Variants in CACNG7 observed in about 807,000 individuals in gnomAD.
The protein encoded by CACNG7 is voltage-dependent calcium channel gamma-7 subunit.
A neutral mutation model predicts 26.3 loss-of-function variants in CACNG7; 9 were observed. The observed-to-expected ratio is 0.34, with a 90% CI of 0.21 to 0.60. The LOEUF is 0.60. CACNG7 is among the 20% of genes least tolerant of loss of function. CACNG7 has a pLI of 0.81. For missense variants in CACNG7, 297 were observed against 380.4 expected (o/e 0.78, Z 1.82); for synonymous variants, 170 against 157.0 (o/e 1.08, Z -0.62).
At chr19:53,918,580 C>G (rs2068913279) in intron 4 of CACNG7, among the ~76,000 whole-genome samples, 1 of 152,096 alleles carries the variant, frequency 6.6e-6, no homozygotes, top group Non-Finnish European at 1.5e-5. Flanking sequence ...TCATTTAGAT[C>G]ATGAATGTAA....
chr19:53,942,134 C>G lies in CACNG7; in HGVS notation c.669C>G (p.Asp223Glu), dbSNP rs1420198733. Reference sequence around the variant, plus strand: ...CCTTCTACCGCCCGCGTCTCAGCGACTGCTCCGACTACTCGGGCCAGTTCC... The same window carrying G: ...CCTTCTACCGCCCGCGTCTCAGCGAGTGCTCCGACTACTCGGGCCAGTTCC... The part of the protein sequence containing the change: ...HPAFYRPRLS[D>E]CSDYSGQFLQ... The change falls in exon 6 of 6, where the codon GAC becomes GAG. Residue 223 changes from aspartate (D) to glutamate (E), a missense_variant. Physicochemically the swap from Asp to Glu is conservative, Grantham distance 45. Coordinates refer to ENST00000391767, the MANE Select transcript of CACNG7 (RefSeq NM_031896.5). This position sits in a 1 kb window ranked among gnomAD's most constrained non-coding sequence, Gnocchi z 5.9. 2.5e-6 allele frequency: 4 copies of G among 1,613,936 alleles called. No individual in the cohort carries two copies. The Admixed American group carries it at 5.0e-5, about 20-fold the overall frequency.
chr19:53,924,337 C>T (rs1481353803), intron 4 of CACNG7, among the ~76,000 whole-genome samples: 4 of 145,724 alleles, frequency 2.7e-5, no homozygotes, highest in Non-Finnish European at 4.5e-5. Flanking sequence ...GTGGACTTGC[C>T]GCAGGTCTGG....
chr19:53,928,830 G>C (rs2069051147), intron 4 of CACNG7, among the ~76,000 whole-genome samples: 1 of 152,080 alleles, frequency 6.6e-6, no homozygotes, highest in African/African-American at 2.4e-5. Flanking sequence ...AGGCCTGAAG[G>C]CCGGGCACGG....
chr19:53,931,082 G>A (rs1348451079), intron 4 of CACNG7, among the ~76,000 whole-genome samples: 1 of 152,030 alleles, frequency 6.6e-6, no homozygotes, highest in East Asian at 1.9e-4. Context: ...TGCAGTCCCA[G>A]CTACTCAGGA....
chr19:53,914,033 T>C (rs1202125775), intron 2 of CACNG7, among the ~76,000 whole-genome samples: 3 of 151,728 alleles, frequency 2.0e-5, no homozygotes, highest in Non-Finnish European at 4.4e-5. Flanking sequence ...CCCAGCACTT[T>C]GGGGGGCCAA....
intron 4 of CACNG7, among the ~76,000 whole-genome samples, chr19:53,920,713 A>C (rs1299765933): frequency 9.6e-6 from 1 of 104,568 alleles, no homozygotes; most frequent in Non-Finnish European, 1.8e-5. Flanking sequence ...AGGTCTGGTC[A>C]TTGGTGGAGC....
chr19:53,921,856 G>GA (rs565192570), intron 4 of CACNG7, among the ~76,000 whole-genome samples: 1 of 69,818 alleles, frequency 1.4e-5, no homozygotes, highest in Non-Finnish European at 2.4e-5. Context: ...GTTGTCCCAG[G>GA]CTGGTCATTG....
Position 53,942,358 on chromosome 19 carries a change from T to TGCA in CACNG7, c.*68_*70dup. On this transcript the variant is annotated 3_prime_UTR_variant, in exon 6 of 6. Transcript: ENST00000391767. The surrounding 1 kb of genome is among the most constrained non-coding windows in gnomAD (Gnocchi z 5.9). ...TCGTCTTAGGGGGGTCTCCCTGCAA[T>TGCA]GCAGCGCCCCCTTCCGTCCTCGGGA... 1 of 1,548,234 alleles carries TGCA rather than the reference T, an allele frequency of 6.5e-7. No homozygotes were observed. The highest frequency in any genetic ancestry group is 8.7e-7 in the Non-Finnish European group (1 of 1,147,766).
rs1374943503 is a variant in CACNG7 at position 53,923,232 on chromosome 19, G to T, written c.424+7727G>T. Among the ~76,000 whole-genome samples, 6 of 58,260 alleles carry T rather than the reference G, an allele frequency of 1.0e-4. 1 individual carries two copies. Among genetic ancestry groups the T allele is most frequent in the African/African-American group, 2.4e-4 (2 of 8,436 alleles). The allele number at this position is 58,260 out of a possible 152,430, so 38.2% of individuals were successfully genotyped here. A position where few individuals can be genotyped will look rare whatever the true frequency, so the allele number is the denominator to read the frequency against. On this transcript the variant is annotated intron_variant, in intron 4 of 5. Transcript: ENST00000391767. Reference sequence around the variant, plus strand: ...CTCGTCATTGGTGGAGTTGCCCCAGGTCTGGTCATTGGTGGAGTTGTCCCA... The same window carrying T: ...CTCGTCATTGGTGGAGTTGCCCCAGTTCTGGTCATTGGTGGAGTTGTCCCA...
At chr19:53,935,634 C>CTTTTTTTTTTTTTTTT (rs59884893) in intron 4 of CACNG7, among the ~76,000 whole-genome samples, 1 of 42,254 alleles carries the variant, frequency 2.4e-5, no homozygotes, top group Non-Finnish European at 3.8e-5. Context: ...CCAATACTGT[C>CTTTTTTTTTTTTTTTT]TTTTTTTTTT....
intron 4 of CACNG7, among the ~76,000 whole-genome samples, chr19:53,930,558 A>G (rs1443825479): frequency 6.6e-6 from 1 of 152,140 alleles, no homozygotes; most frequent in East Asian, 1.9e-4. Flanking sequence ...TATTTTTAGT[A>G]GAGACGGGGT....
chr19:53,943,926 A>G lies in CACNG7; in HGVS notation c.*1633A>G, dbSNP rs1379085100. Reference sequence around the variant, plus strand: ...AAATGATACTGGTCAGGATCAATAAACGCTTTCTCCTGGTATTATTATGAC... The same window carrying G: ...AAATGATACTGGTCAGGATCAATAAGCGCTTTCTCCTGGTATTATTATGAC... On this transcript the variant is annotated 3_prime_UTR_variant, in exon 6 of 6. Coordinates refer to ENST00000391767, the MANE Select transcript of CACNG7 (RefSeq NM_031896.5). The G allele has an allele frequency of 6.6e-6, 1 of 152,068 alleles. No individual in the cohort carries two copies. Among genetic ancestry groups the G allele is most frequent in the Non-Finnish European group, 1.5e-5 (1 of 68,010 alleles). The allele number at this position is 152,068 out of a possible 1,614,324, so 9.4% of individuals were successfully genotyped here. A position where few individuals can be genotyped will look rare whatever the true frequency, so the allele number is the denominator to read the frequency against.
chr19:53,922,221 G>C (rs1176266167), intron 4 of CACNG7, among the ~76,000 whole-genome samples: 1 of 118,770 alleles, frequency 8.4e-6, no homozygotes, highest in Non-Finnish European at 1.7e-5. Flanking sequence ...GGTATTGGTG[G>C]AGTTGTCCCC....
At chr19:53,928,598 AATGTG>A (rs1484839352) in intron 4 of CACNG7, among the ~76,000 whole-genome samples, 23 of 151,890 alleles carry the variant, frequency 1.5e-4, no homozygotes, top group African/African-American at 5.1e-4. Context: ...TTAGAGCTGT[AATGTG>A]AAACTTGGAC....
chr19:53,925,292 C>T (rs1011564592), intron 4 of CACNG7, among the ~76,000 whole-genome samples: 1 of 143,620 alleles, frequency 7.0e-6, no homozygotes, highest in Non-Finnish European at 1.5e-5. Flanking sequence ...GTGGAGTTGT[C>T]CCAGGTCTGG....
intron 4 of CACNG7, among the ~76,000 whole-genome samples, chr19:53,920,826 AGTTGT>A (rs1372819128): frequency 1.6e-5 from 1 of 64,112 alleles, no homozygotes. Context: ...TCATTGGTGG[AGTTGT>A]CCCCAGGCCT....
At position 53,943,306 on chromosome 19, in the gene CACNG7, T is replaced by C. The variant is rs2069151020; in HGVS notation, c.*1013T>C. 6.6e-6 allele frequency: 1 copy of C among 151,684 alleles called. No individual in the cohort carries two copies. The highest frequency in any genetic ancestry group is 1.5e-5 in the Non-Finnish European group (1 of 67,974). 9.4% of individuals were successfully genotyped at this position (151,684 alleles called of 1,614,324 possible). On this transcript the variant is annotated 3_prime_UTR_variant, in exon 6 of 6. Transcript: ENST00000391767. ...TTCCATTTTCTGGCTCTCCTCCTCA[T>C]TGACGTCCCTCTTCCCCCCTCAGAA...
At chr19:53,911,206 T>C (rs568658690) in intron 1 of CACNG7, among the ~76,000 whole-genome samples, 1 of 152,090 alleles carries the variant, frequency 6.6e-6, no homozygotes, top group East Asian at 1.9e-4. Flanking sequence ...TCTGGGATTA[T>C]AGGTGTGAGC....
chr19:53,919,444 G>C (rs1298851388), intron 4 of CACNG7, among the ~76,000 whole-genome samples: 1 of 151,558 alleles, frequency 6.6e-6, no homozygotes, highest in Non-Finnish European at 1.5e-5. Context: ...GGTCATTGGT[G>C]GAGTTGCCCC....
Sources: allele counts gnomAD v4.1 joint callset (sites outside exome capture counted in the v4.1 genomes callset), GRCh38; gene constraint gnomAD v4.1.1; non-coding constraint Gnocchi (gnomAD v3.1); transcripts MANE v1.5; gene names NCBI Gene and HGNC (gene_info 2026-07-23, HGNC 2026-07-21).